Variants in TRIM37 observed in about 807,000 individuals in gnomAD.
The protein encoded by TRIM37 is tripartite motif containing 37, also known as E3 ubiquitin-protein ligase TRIM37.
TRIM37 carries 80 observed loss-of-function variants against 129.8 expected under a neutral mutation model. The observed-to-expected ratio is 0.62, with a 90% CI of 0.51 to 0.74. The LOEUF (loss-of-function observed/expected upper bound fraction) is 0.74, where lower values mean the gene tolerates loss of function less well. TRIM37 is among the 30% of genes least tolerant of loss of function. The probability of loss-of-function intolerance (pLI) is 0.00; values close to 1 mark genes in which losing one functional copy is unlikely to be tolerated. For synonymous variants in TRIM37, 389 were observed against 387.1 expected (o/e 1.00, Z -0.06); for missense variants, 1,054 against 1,176.5 (o/e 0.90, Z 1.52).
chr17:59,049,242 G>C lies in TRIM37; in HGVS notation c.1466C>G (p.Ala489Gly). Residue 489 changes from alanine to glycine, a missense_variant, in exon 15 of 24, where the codon GCT becomes GGT. Transcript: ENST00000262294. ...DMLLEGGPTTASVREAKEDEE... is the reference protein window; with the variant it reads ...DMLLEGGPTTGSVREAKEDEE... Reference sequence around the variant, plus strand: ...ATCCTCTTTGGCCTCTCTTACAGAAGCTGTAGTAGGACCACCTTCGAGAAG... The same window carrying C: ...ATCCTCTTTGGCCTCTCTTACAGAACCTGTAGTAGGACCACCTTCGAGAAG... 6.2e-7 allele frequency: 1 copy of C among 1,613,978 alleles called. No homozygotes were observed. Among genetic ancestry groups the C allele is most frequent in the Non-Finnish European group, 8.5e-7 (1 of 1,180,016 alleles).
intron 2 of TRIM37, among the ~76,000 whole-genome samples, chr17:59,091,567 TA>T (rs2044354824): frequency 1.0e-3 from 4 of 3,872 alleles, no homozygotes; most frequent in Non-Finnish European, 1.6e-3. Context: ...ATTATATATA[TA>T]ATATATATAA....
chr17:59,023,702 C>A (rs570436363), intron 19 of TRIM37, among the ~76,000 whole-genome samples: 1 of 151,890 alleles, frequency 6.6e-6, no homozygotes, highest in African/African-American at 2.4e-5. Flanking sequence ...AAACATACAG[C>A]AAACCTCAAA....
chr17:59,018,171 T>C (rs1365038890), intron 19 of TRIM37, among the ~76,000 whole-genome samples: 1 of 151,874 alleles, frequency 6.6e-6, no homozygotes, highest in Non-Finnish European at 1.5e-5. Context: ...ATGAATTAAT[T>C]AGGGAAAAAA....
rs567682131 is a variant in TRIM37, at chr17:59,092,271, C to T, written c.124-931G>A. Among the ~76,000 whole-genome samples, 13 of 151,750 alleles carry T rather than the reference C, an allele frequency of 8.6e-5. 1 individual carries two copies. The South Asian group carries it at 1.9e-3, about 22-fold the overall frequency. On this transcript the variant is annotated intron_variant, in intron 2 of 23. Transcript: ENST00000262294. ...AGCCAGGCATGGTGATGGTGGCAGGCGCCCATAATCCCAGCTACTCGGGAG... is the reference window on the plus strand; with the variant it reads ...AGCCAGGCATGGTGATGGTGGCAGGTGCCCATAATCCCAGCTACTCGGGAG...
chr17:58,980,117 G>A (rs2031273925), downstream of TRIM37: 3 of 1,614,088 alleles, frequency 1.9e-6, no homozygotes, highest in Non-Finnish European at 2.5e-6. The surrounding 1 kb of genome is among the most constrained non-coding windows in gnomAD (Gnocchi z 4.7). Context: ...AGTTGTGTCC[G>A]ACCACCTGAA....
the TRIM37 span, among the ~76,000 whole-genome samples, chr17:58,977,071 A>T: frequency 6.6e-6 from 1 of 152,174 alleles, no homozygotes; most frequent in African/African-American, 2.4e-5. Context: ...CTAACAGGCT[A>T]TGGAGGCACC....
intron 24 of TRIM37, among the ~76,000 whole-genome samples, chr17:58,992,819 C>A (rs2032586909): frequency 6.6e-6 from 1 of 152,186 alleles, no homozygotes; most frequent in South Asian, 2.1e-4. Flanking sequence ...AGCCCCGATC[C>A]TGAGTCATCT....
Position 59,057,044 on chromosome 17 carries a change from G to A in TRIM37, c.1030C>T (p.Arg344Cys), listed in dbSNP as rs151159335. ...CAGGACTGGTGAACCATCTCTACAC[G>A]ATATTCATATCTAAAATTGAAAAAC... ...GLPETSKYEY[R>C]VEMVHQSCND... is the part of the protein sequence containing the mutation. The change falls in exon 13 of 24, where the codon CGT (arginine) becomes TGT (cysteine). Residue 344 changes from arginine to cysteine, a missense_variant. Physicochemically the swap from Arg to Cys is radical, Grantham distance 180. Around this residue, in one of 3 missense-constraint regions of TRIM37, gnomAD observed 752 missense variants for 870.8 expected, o/e 0.86. Transcript: ENST00000262294. 1.9e-6 allele frequency: 3 copies of A among 1,613,434 alleles called. No homozygotes were observed. Among genetic ancestry groups the A allele is most frequent in the South Asian group, 2.2e-5 (2 of 91,062 alleles).
chr17:59,081,905 C>A lies in TRIM37; in HGVS notation c.370-686G>T, dbSNP rs553239603. On this transcript the variant is annotated intron_variant, in intron 5 of 23. Transcript: ENST00000262294. ...CTGGGTGACAGAGACTCTGTCCCCCCCAAAAAATAATAATTTTTTAATAAT... is the reference window on the plus strand; with the variant it reads ...CTGGGTGACAGAGACTCTGTCCCCCACAAAAAATAATAATTTTTTAATAAT... Among the ~76,000 whole-genome samples the A allele has an allele frequency of 8.7e-5, 11 of 125,802 alleles. No homozygotes were observed. The South Asian group carries it at 2.5e-3, about 29-fold the overall frequency. The allele number at this position is 125,802 out of a possible 152,430, so 82.5% of individuals were successfully genotyped here.
chr17:59,047,900 G>A, intron 15 of TRIM37, 81 bp from the exon 16 acceptor site: 3 of 1,530,334 alleles, frequency 2.0e-6, no homozygotes, highest in South Asian at 2.2e-5. Flanking sequence ...CATAAACCAA[G>A]CACCAAAGAA....
rs1335850114 is a variant in TRIM37 at position 58,998,941 on chromosome 17, G to A, written c.*436C>T. ...CTAATCTACAGGCACTAATGGAACT[G>A]TAATTAAAACCCCAAATATAAAGAT... On this transcript the variant is annotated 3_prime_UTR_variant, in exon 24 of 24. Transcript: ENST00000262294. 9.7e-7 allele frequency: 1 copy of A among 1,032,540 alleles called. No homozygotes were observed. The allele number at this position is 1,032,540 out of a possible 1,614,324, so 64.0% of individuals were successfully genotyped here. A position where few individuals can be genotyped will look rare whatever the true frequency, so the allele number is the denominator to read the frequency against.
chr17:58,986,504 C>CT (rs530928011), intron 24 of TRIM37, among the ~76,000 whole-genome samples: 76,003 of 124,934 alleles, frequency 0.61, 23,671 homozygotes, highest in Non-Finnish European at 0.65. Flanking sequence ...TTCCATCTGT[C>CT]TTTTTTTTTT....
At chr17:58,967,872 C>T in the TRIM37 span, among the ~76,000 whole-genome samples, 20 of 150,960 alleles carry the variant, frequency 1.3e-4, no homozygotes, top group Admixed American at 8.6e-4. Context: ...GGCGCGATCT[C>T]GACTCACTGC....
chr17:58,974,041 T>C, the TRIM37 span, among the ~76,000 whole-genome samples: 14 of 151,376 alleles, frequency 9.2e-5, no homozygotes, highest in Non-Finnish European at 1.6e-4. Flanking sequence ...GGCGGAAGGA[T>C]TGCTTGAGTC....
At chr17:59,031,726 C>A (rs988454692) in intron 18 of TRIM37, among the ~76,000 whole-genome samples, 170 bp downstream of exon 18, 1 of 152,114 alleles carries the variant, frequency 6.6e-6, no homozygotes, top group African/African-American at 2.4e-5. Flanking sequence ...CACCTTTGAA[C>A]GGTAATTTAA....
chr17:59,044,790 G>A (rs2039603411), intron 16 of TRIM37, among the ~76,000 whole-genome samples: 1 of 152,130 alleles, frequency 6.6e-6, no homozygotes, highest in Admixed American at 6.5e-5. Context: ...TCAGATTTTA[G>A]TATCCAAGGG....
At chr17:58,996,426 T>G (rs961591976), downstream of TRIM37, among the ~76,000 whole-genome samples, 1 of 147,556 alleles carries the variant, frequency 6.8e-6, no homozygotes, top group African/African-American at 2.5e-5. Context: ...GCTGAGATCA[T>G]GCCACTGCAC....
chr17:58,980,351 C>G (rs2031283270), downstream of TRIM37: 15 of 1,614,096 alleles, frequency 9.3e-6, no homozygotes, highest in East Asian at 3.3e-4. The surrounding 1 kb of genome is among the most constrained non-coding windows in gnomAD (Gnocchi z 4.7). Flanking sequence ...ACGCCCTTGG[C>G]CTCAGCACCA....
chr17:59,012,605 C>T (rs932978247), intron 21 of TRIM37, among the ~76,000 whole-genome samples, 159 bp from the exon 22 acceptor site: 12 of 152,280 alleles, frequency 7.9e-5, no homozygotes, highest in African/African-American at 2.4e-4. Flanking sequence ...GGTCCTGGCA[C>T]AGTGGCTTAT....
Sources: allele counts gnomAD v4.1 joint callset (sites outside exome capture counted in the v4.1 genomes callset), GRCh38; gene constraint gnomAD v4.1.1; regional missense constraint gnomAD v4.1.1; non-coding constraint Gnocchi (gnomAD v3.1); transcripts MANE v1.5; gene names NCBI Gene and HGNC (gene_info 2026-07-23, HGNC 2026-07-21).